Variants in DPYD observed in about 807,000 individuals in gnomAD.
DPYD encodes the protein dihydropyrimidine dehydrogenase [NADP(+)].
Under a neutral mutation model 116.2 loss-of-function variants are expected in DPYD, and 109 were observed. That is an observed-to-expected ratio of 0.94 (90% CI 0.80 to 1.10). The LOEUF (loss-of-function observed/expected upper bound fraction) is 1.10, where lower values mean the gene tolerates loss of function less well. DPYD is among the 50% of genes least tolerant of loss of function. The pLI is 0.00. For synonymous variants in DPYD, 440 were observed against 432.0 expected, an observed-to-expected ratio of 1.02 and a Z score of -0.23; for missense variants, 1,302 against 1,254.5, an observed-to-expected ratio of 1.04 and a Z score of -0.57.
chr1:97,155,434 C>T (rs1221732367), intron 20 of DPYD, among the ~76,000 whole-genome samples: 2 of 152,004 alleles, frequency 1.3e-5, no homozygotes, highest in African/African-American at 4.8e-5. Flanking sequence ...AATTTTCACT[C>T]GAGTCATTAA....
At chr1:97,311,368 A>T (rs1667507259) in intron 16 of DPYD, among the ~76,000 whole-genome samples, 1 of 151,758 alleles carries the variant, frequency 6.6e-6, no homozygotes, top group African/African-American at 2.4e-5. Context: ...ACTTCATTGG[A>T]TTTCATTCAA....
intron 19 of DPYD, among the ~76,000 whole-genome samples, chr1:97,228,607 A>G (rs892657123): frequency 6.6e-6 from 1 of 152,210 alleles, no homozygotes; most frequent in Admixed American, 6.5e-5. Flanking sequence ...TTCTACACCC[A>G]TTACAGGACT....
chr1:97,449,834 C>A (rs889009206), intron 14 of DPYD, among the ~76,000 whole-genome samples: 4 of 152,130 alleles, frequency 2.6e-5, no homozygotes, highest in African/African-American at 9.7e-5. Flanking sequence ...ATACTTCTTC[C>A]ATCTTACATG....
intron 14 of DPYD, among the ~76,000 whole-genome samples, chr1:97,400,550 T>C (rs1047311024): frequency 2.0e-5 from 3 of 152,170 alleles, no homozygotes; most frequent in Non-Finnish European, 4.4e-5. Flanking sequence ...GCACCTCTGG[T>C]AGAATTCAGC....
At chr1:97,246,696 C>T (rs1394812458) in intron 18 of DPYD, among the ~76,000 whole-genome samples, 1 of 151,742 alleles carries the variant, frequency 6.6e-6, no homozygotes, top group Non-Finnish European at 1.5e-5. Flanking sequence ...AACAGCCTAC[C>T]CCCAGCTCTC....
intron 7 of DPYD, among the ~76,000 whole-genome samples, chr1:97,688,906 T>C (rs1660871874): frequency 6.6e-6 from 1 of 151,726 alleles, no homozygotes; most frequent in African/African-American, 2.4e-5. Flanking sequence ...ACATATAAAC[T>C]CAACGTAAGT....
intron 3 of DPYD, among the ~76,000 whole-genome samples, chr1:97,754,818 T>G (rs6604873): frequency 1.3e-5 from 2 of 152,232 alleles, no homozygotes; most frequent in African/African-American, 4.8e-5. Flanking sequence ...TTTCTTCAAT[T>G]AAAACCCTAG....
intron 19 of DPYD, among the ~76,000 whole-genome samples, chr1:97,204,528 T>C (rs1164362751): frequency 1.3e-5 from 2 of 152,158 alleles, no homozygotes; most frequent in South Asian, 2.1e-4. Context: ...GTAAAAGTTC[T>C]AGGCTGAGGG....
chr1:97,920,740 T>A, intron 1 of DPYD, 144 bp downstream of exon 1: 1 of 1,214,534 alleles, frequency 8.2e-7, no homozygotes, highest in South Asian at 1.3e-5. Context: ...GCTCCTCCGC[T>A]CCCCCGCAGA....
chr1:97,763,464 G>T (rs1665689200), intron 3 of DPYD, among the ~76,000 whole-genome samples: 1 of 150,912 alleles, frequency 6.6e-6, no homozygotes, highest in East Asian at 1.9e-4. Context: ...TCTTCTTCTG[G>T]CAAAAGCACA....
At chr1:97,481,657 G>C (rs920260300) in intron 13 of DPYD, among the ~76,000 whole-genome samples, 4 of 152,136 alleles carry the variant, frequency 2.6e-5, no homozygotes, top group African/African-American at 9.6e-5. Flanking sequence ...TCTATTATGA[G>C]ATAATAAACA....
At chr1:97,668,755 T>G (rs555575397) in intron 8 of DPYD, among the ~76,000 whole-genome samples, 1 of 152,104 alleles carries the variant, frequency 6.6e-6, no homozygotes, top group Non-Finnish European at 1.5e-5. Flanking sequence ...TAAATAGCAA[T>G]CAGTTTTAAA....
rs913050418 is a variant in DPYD, at chr1:97,158,675, C to G, written c.2622+34394G>C. Among the ~76,000 whole-genome samples the G allele has an allele frequency of 2.6e-5, 4 of 151,858 alleles. No individual in the cohort carries two copies. In the East Asian group the frequency reaches 7.8e-4, roughly 29 times the overall value. The stretch of plus-strand genomic sequence containing the variant: ...GGAGGTTAAAATTCAGAGAGAAATT[C>G]GTCTTCTAACTGGCTGAGAAATCAG... On this transcript the variant is annotated intron_variant, in intron 20 of 22. Transcript: ENST00000370192.
intron 21 of DPYD, among the ~76,000 whole-genome samples, chr1:97,092,825 T>C (rs1016204772): frequency 7.1e-6 from 1 of 141,268 alleles, no homozygotes; most frequent in African/African-American, 2.5e-5. Flanking sequence ...ATAAAAAAGC[T>C]GGACATCTTA....
chr1:97,844,124 A>G (rs542783424), intron 2 of DPYD, among the ~76,000 whole-genome samples: 5 of 152,332 alleles, frequency 3.3e-5, no homozygotes, highest in Non-Finnish European at 7.4e-5. Flanking sequence ...TGCCTAAAAT[A>G]TGATAATAAG....
chr1:97,447,131 C>A (rs996231407), intron 14 of DPYD, among the ~76,000 whole-genome samples: 3 of 152,192 alleles, frequency 2.0e-5, no homozygotes, highest in African/African-American at 7.2e-5. Flanking sequence ...TCTCTGGAAA[C>A]AGAGACATTA....
intron 21 of DPYD, among the ~76,000 whole-genome samples, chr1:97,090,254 C>T (rs1458128929): frequency 1.3e-5 from 2 of 152,092 alleles, no homozygotes; most frequent in African/African-American, 4.8e-5. Context: ...CCTTTTCTTT[C>T]TTATTTCTAT....
At chr1:97,373,702 G>A in intron 15 of DPYD, 58 bp from the exon 16 acceptor site, 6 of 1,446,458 alleles carry the variant, frequency 4.1e-6, no homozygotes, top group Non-Finnish European at 5.8e-6. Context: ...ATACCAATAG[G>A]CTTTCACCGT....
intron 1 of DPYD, among the ~76,000 whole-genome samples, chr1:97,918,965 G>C (rs1320639217): frequency 6.6e-6 from 1 of 152,196 alleles, no homozygotes; most frequent in Non-Finnish European, 1.5e-5. Flanking sequence ...ATGGAAAACT[G>C]AGCCTTTATA....
Sources: allele counts gnomAD v4.1 joint callset (sites outside exome capture counted in the v4.1 genomes callset), GRCh38; gene constraint gnomAD v4.1.1; transcripts MANE v1.5; gene names NCBI Gene and HGNC (gene_info 2026-07-23, HGNC 2026-07-21).